CHM: variants seen among roughly 807,000 people sequenced by gnomAD.
CHM encodes CHM Rab escort protein.
A neutral mutation model predicts 49.0 loss-of-function variants in CHM; 10 were observed. That is an observed-to-expected ratio of 0.20 (90% CI 0.13 to 0.35). The LOEUF (loss-of-function observed/expected upper bound fraction) is 0.35, where lower values mean the gene tolerates loss of function less well. CHM is among the 10% of genes least tolerant of loss of function. The pLI, the probability that CHM is intolerant of heterozygous loss-of-function variation, is 1.00. For synonymous variants in CHM, 184 were observed against 167.5 expected, an observed-to-expected ratio of 1.10 and a Z score of -0.76; for missense variants, 455 against 478.4, an observed-to-expected ratio of 0.95 and a Z score of 0.46.
At chrX:85,969,080 A>G in intron 4 of CHM, 1 of 683,303 alleles carries the variant, frequency 1.5e-6, no homozygotes, top group South Asian at 7.4e-5. Context: ...AAAATAAATC[A>G]GTAGAATTTT....
intron 5 of CHM, among the ~76,000 whole-genome samples, chrX:85,962,097 T>C (rs932774451): frequency 8.9e-6 from 1 of 112,659 alleles, no homozygotes; most frequent in Admixed American, 9.4e-5. Context: ...TATATCATCA[T>C]TTATTTAGGT....
chrX:85,957,735 T>C (rs966717931), intron 7 of CHM, 120 bp downstream of exon 7: 8 of 841,407 alleles, frequency 9.5e-6, no homozygotes, highest in African/African-American at 8.4e-5. Context: ...AACCTATTGA[T>C]AGTGCAGAGT....
At chrX:85,915,027 T>TA (rs762627106) in intron 8 of CHM, among the ~76,000 whole-genome samples, 126 of 106,996 alleles carry the variant, frequency 1.2e-3, no homozygotes, top group Non-Finnish European at 1.3e-3. Context: ...TTCAAAAAAA[T>TA]AAAAAAATAT....
At chrX:86,034,309 G>A (rs1326218394) in intron 1 of CHM, among the ~76,000 whole-genome samples, 2 of 111,953 alleles carry the variant, frequency 1.8e-5, no homozygotes, top group Non-Finnish European at 3.8e-5. Flanking sequence ...AAAGATGGCA[G>A]CAGTTGTTGA....
chrX:85,957,261 T>C (rs1213289104), intron 7 of CHM, among the ~76,000 whole-genome samples: 1 of 111,844 alleles, frequency 8.9e-6, no homozygotes, highest in African/African-American at 3.2e-5. Flanking sequence ...GCTCTGACAC[T>C]AAAATGGCAT....
intron 11 of CHM, among the ~76,000 whole-genome samples, chrX:85,900,406 C>A (rs1451024227): frequency 1.8e-5 from 2 of 111,149 alleles, no homozygotes; most frequent in African/African-American, 6.5e-5. Context: ...CTTTCAGTTA[C>A]ACAAAAAGAA....
At chrX:86,041,499 T>C (rs756141655) in intron 1 of CHM, among the ~76,000 whole-genome samples, 3 of 109,119 alleles carry the variant, frequency 2.7e-5, no homozygotes, top group Non-Finnish European at 5.7e-5. Flanking sequence ...CTAAATCTGT[T>C]CCAAAAACTA....
At chrX:85,950,752 T>A (rs1172382658) in intron 8 of CHM, among the ~76,000 whole-genome samples, 1 of 111,974 alleles carries the variant, frequency 8.9e-6, no homozygotes, top group Non-Finnish European at 1.9e-5. Flanking sequence ...AATGGTTGAA[T>A]AATGTTAATT....
intron 1 of CHM, among the ~76,000 whole-genome samples, chrX:86,031,854 T>G (rs1336418359): frequency 8.9e-6 from 1 of 112,149 alleles, no homozygotes; most frequent in Non-Finnish European, 1.9e-5. Flanking sequence ...AAAAAAAAAT[T>G]TATTTAGGAA....
At chrX:85,996,638 C>A (rs1272637815) in intron 2 of CHM, among the ~76,000 whole-genome samples, 4 of 111,368 alleles carry the variant, frequency 3.6e-5, no homozygotes, top group Non-Finnish European at 7.5e-5. Flanking sequence ...AAGCAACATA[C>A]CTCCCTCACA....
At chrX:86,014,817 C>T (rs1033878679) in intron 2 of CHM, among the ~76,000 whole-genome samples, 3 of 111,468 alleles carry the variant, frequency 2.7e-5, no homozygotes, top group African/African-American at 6.5e-5. Flanking sequence ...CTTCAGGAAG[C>T]AGGACATTAG....
At chrX:86,040,412 T>C (rs1227009563) in intron 1 of CHM, among the ~76,000 whole-genome samples, 1 of 112,483 alleles carries the variant, frequency 8.9e-6, no homozygotes, top group African/African-American at 3.2e-5. Context: ...AGCACTCATG[T>C]ATTCCAGTTC....
chrX:85,941,680 C>T (rs1047649371), intron 8 of CHM, among the ~76,000 whole-genome samples: 36 of 111,137 alleles, frequency 3.2e-4, no homozygotes, highest in African/African-American at 1.1e-3. Flanking sequence ...AACATATTGT[C>T]TATGGCTACA....
chrX:85,966,881 G>T (rs1259038121), intron 4 of CHM, among the ~76,000 whole-genome samples: 16 of 111,805 alleles, frequency 1.4e-4, no homozygotes. Flanking sequence ...CCTATAGAGT[G>T]AATGAAATAC....
At chrX:85,889,390 G>A (rs746385524) in intron 12 of CHM, among the ~76,000 whole-genome samples, 1 of 111,797 alleles carries the variant, frequency 8.9e-6, no homozygotes, top group Non-Finnish European at 1.9e-5. Flanking sequence ...TTAAAAAGCA[G>A]GCAAAGATTT....
intron 9 of CHM, among the ~76,000 whole-genome samples, chrX:85,909,799 G>A (rs1055079055): frequency 1.6e-4 from 18 of 112,087 alleles, no homozygotes; most frequent in Non-Finnish European, 2.5e-4. Flanking sequence ...ACTGAAATGG[G>A]ACCCCAAGGG....
intron 4 of CHM, among the ~76,000 whole-genome samples, chrX:85,976,361 G>A (rs1394383798): frequency 6.3e-5 from 7 of 111,418 alleles, no homozygotes; most frequent in Non-Finnish European, 1.1e-4. Flanking sequence ...AGTGGCTCAC[G>A]CCTGTAATCC....
intron 2 of CHM, among the ~76,000 whole-genome samples, chrX:86,013,428 T>G (rs1933159792): frequency 9.0e-6 from 1 of 111,665 alleles, no homozygotes; most frequent in African/African-American, 3.3e-5. Flanking sequence ...AAGTATGCTT[T>G]ACATGTTTTA....
chrX:86,008,258 C>A (rs1280135472), intron 2 of CHM, among the ~76,000 whole-genome samples: 1 of 110,897 alleles, frequency 9.0e-6, no homozygotes. Context: ...GGCCTGTCGG[C>A]AGGTGGGGGG....
Sources: allele counts gnomAD v4.1 joint callset (sites outside exome capture counted in the v4.1 genomes callset), GRCh38; gene constraint gnomAD v4.1.1; transcripts MANE v1.5; gene names NCBI Gene and HGNC (gene_info 2026-07-23, HGNC 2026-07-21).